The following CELF2 variants were observed in gnomAD, a reference collection of about 807,000 sequenced individuals.
CELF2 encodes CUG triplet repeat RNA-binding protein 2.
Under a neutral mutation model 62.6 loss-of-function variants are expected in CELF2, and 8 were observed. The ratio of observed to expected loss-of-function variants is 0.13; its 90% CI spans 0.07 to 0.23. CELF2 has a LOEUF of 0.23. Ranked by LOEUF, CELF2 falls within the 10% of genes least tolerant of loss-of-function variation. The probability of loss-of-function intolerance (pLI) is 1.00; values close to 1 mark genes in which losing one functional copy is unlikely to be tolerated. For missense variants in CELF2, 333 were observed against 671.0 expected, an observed-to-expected ratio of 0.50 and a Z score of 5.56; for synonymous variants, 258 against 250.0, an observed-to-expected ratio of 1.03 and a Z score of -0.30.
At chr10:10,901,825 C>T (rs1317191310) in intron 1 of CELF2, among the ~76,000 whole-genome samples, 2 of 152,122 alleles carry the variant, frequency 1.3e-5, no homozygotes, top group African/African-American at 4.8e-5. Flanking sequence ...TTTGCCTTTA[C>T]TTTCAATGTA....
chr10:10,620,845 G>A, the CELF2 span, among the ~76,000 whole-genome samples: 233 of 148,530 alleles, frequency 1.6e-3, 1 homozygote, highest in Non-Finnish European at 2.9e-3. Flanking sequence ...GTGAACCCGG[G>A]AGGCGGAGCT....
At chr10:10,566,508 A>G in the CELF2 span, among the ~76,000 whole-genome samples, 4 of 149,832 alleles carry the variant, frequency 2.7e-5, no homozygotes, top group East Asian at 8.0e-4. Context: ...ATGCTGGTGC[A>G]CTGCACCCAC....
the CELF2 span, among the ~76,000 whole-genome samples, chr10:10,502,672 G>A: frequency 1.6e-4 from 25 of 151,738 alleles, no homozygotes; most frequent in African/African-American, 5.8e-4. Context: ...TTCTTTGTCA[G>A]TCTTGCTAGA....
chr10:10,738,394 G>C, the CELF2 span, among the ~76,000 whole-genome samples: 1 of 152,154 alleles, frequency 6.6e-6, no homozygotes, highest in African/African-American at 2.4e-5. Flanking sequence ...AATGGCAAAA[G>C]AGTGACTTGA....
At chr10:11,043,589 G>A (rs546452360) in intron 1 of CELF2, among the ~76,000 whole-genome samples, 33 of 152,020 alleles carry the variant, frequency 2.2e-4, no homozygotes, top group African/African-American at 6.8e-4. Flanking sequence ...CTCATCCCCC[G>A]TCCTTCCTTT....
Position 11,027,656 on chromosome 10 carries a change from A to G in CELF2, c.74+9493A>G, listed in dbSNP as rs565388723. Among the ~76,000 whole-genome samples the G allele has an allele frequency of 2.0e-5, 3 of 152,354 alleles. No individual in the cohort carries two copies. The South Asian group carries it at 6.2e-4, about 32-fold the overall frequency. ...TTGTTCGACTTGCCCTGTATGTCGT[A>G]GAATGGAACCACTAGGGACATGGCT... On this transcript the variant is annotated intron_variant, in intron 1 of 12. Coordinates refer to ENST00000633077, the MANE Select transcript of CELF2 (RefSeq NM_001326342.2).
chr10:10,650,851 C>T, the CELF2 span, among the ~76,000 whole-genome samples: 1 of 151,058 alleles, frequency 6.6e-6, no homozygotes, highest in Non-Finnish European at 1.5e-5. Flanking sequence ...GAAATGAAAA[C>T]GTGGAGGGGG....
At position 11,242,587 on chromosome 10, in the gene CELF2, C is replaced by G. The variant is rs1047729440; in HGVS notation, c.355-6566C>G. ...GCTGTTGGCAGAGCTGTGTGCAGCG[C>G]TCTGTGCATGCACTTACCCCTCAGA... On this transcript the variant is annotated intron_variant, in intron 3 of 12. Transcript: ENST00000633077. This position sits in a 1 kb window ranked among gnomAD's most constrained non-coding sequence, Gnocchi z 4.8. 1.3e-5 allele frequency among the ~76,000 whole-genome samples: 2 copies of G among 152,240 alleles called. No individual in the cohort carries two copies. The highest frequency in any genetic ancestry group is 6.5e-5 in the Admixed American group (1 of 15,288).
chr10:11,101,207 A>C (rs2051518397), intron 1 of CELF2, among the ~76,000 whole-genome samples: 1 of 152,192 alleles, frequency 6.6e-6, no homozygotes, highest in Non-Finnish European at 1.5e-5. Flanking sequence ...GAAAGGGATC[A>C]GGTTTGGAGG....
chr10:10,791,036 G>A, the CELF2 span, among the ~76,000 whole-genome samples: 1 of 152,042 alleles, frequency 6.6e-6, no homozygotes, highest in African/African-American at 2.4e-5. Context: ...AGTATTTAGT[G>A]GGCTAGTTTT....
rs180961641 is a variant in CELF2, at chr10:11,047,928, A to G, written c.74+29765A>G. On this transcript the variant is annotated intron_variant, in intron 1 of 12. Transcript: ENST00000633077. ...CCTGAAGAATTTTTTTCTCTTCTAGATGTCAACTTTCAAAATTATGGAAAA... is the reference window on the plus strand; with the variant it reads ...CCTGAAGAATTTTTTTCTCTTCTAGGTGTCAACTTTCAAAATTATGGAAAA... Among the ~76,000 whole-genome samples the G allele has an allele frequency of 3.9e-5, 6 of 152,328 alleles. No individual in the cohort carries two copies. In the East Asian group the frequency reaches 1.2e-3, roughly 29 times the overall value.
intron 8 of CELF2, among the ~76,000 whole-genome samples, chr10:11,279,201 A>G (rs141621123): frequency 2.0e-5 from 3 of 152,314 alleles, no homozygotes; most frequent in Non-Finnish European, 4.4e-5. Flanking sequence ...GAACGGGAGG[A>G]AACTGCTTCG....
rs1281821701 is a variant in CELF2 at position 11,300,601 on chromosome 10, G to T, written c.976+12049G>T. 6.6e-6 allele frequency among the ~76,000 whole-genome samples: 1 copy of T among 152,166 alleles called. No homozygotes were observed. The highest frequency in any genetic ancestry group is 1.9e-4 in the East Asian group (1 of 5,182). On this transcript the variant is annotated intron_variant, in intron 9 of 12. Transcript: ENST00000633077. This position sits in a 1 kb window ranked among gnomAD's most constrained non-coding sequence, Gnocchi z 5.5. ...GGACTAAATTAAAATGAAAGGTGTGGTTATTGTGGAATAATTAGGCCTCAC... is the reference window on the plus strand; with the variant it reads ...GGACTAAATTAAAATGAAAGGTGTGTTTATTGTGGAATAATTAGGCCTCAC...
the CELF2 span, among the ~76,000 whole-genome samples, chr10:10,518,526 T>C: frequency 6.6e-6 from 1 of 152,188 alleles, no homozygotes; most frequent in African/African-American, 2.4e-5. Context: ...TTCTATAATC[T>C]CAAACATGGC....
chr10:10,466,141 C>T, the CELF2 span, among the ~76,000 whole-genome samples: 8 of 152,086 alleles, frequency 5.3e-5, no homozygotes, highest in Admixed American at 5.2e-4. Context: ...GATTTATACA[C>T]CTGTGAAGCC....
the CELF2 span, among the ~76,000 whole-genome samples, chr10:10,603,784 T>TACAC: frequency 0.074 from 10,972 of 148,490 alleles, 429 homozygotes; most frequent in South Asian, 0.11. Context: ...TATTTACACA[T>TACAC]ACACACACAC....
At chr10:11,271,140 C>T (rs905050296) in intron 7 of CELF2, among the ~76,000 whole-genome samples, 4 of 152,218 alleles carry the variant, frequency 2.6e-5, no homozygotes. Context: ...GCTGGGCTGG[C>T]TCATCCCTGT....
At chr10:10,979,052 C>T (rs560902540) in intron 2 of CELF2, among the ~76,000 whole-genome samples, 2 of 152,198 alleles carry the variant, frequency 1.3e-5, no homozygotes, top group East Asian at 1.9e-4. Flanking sequence ...AGTTCTCTGC[C>T]CTTGGAGAAT....
the CELF2 span, among the ~76,000 whole-genome samples, chr10:10,635,781 G>A: frequency 6.6e-6 from 1 of 152,068 alleles, no homozygotes; most frequent in African/African-American, 2.4e-5. Context: ...AGGTTTTTAG[G>A]CATTATTTCA....
Sources: allele counts gnomAD v4.1 joint callset (sites outside exome capture counted in the v4.1 genomes callset), GRCh38; gene constraint gnomAD v4.1.1; non-coding constraint Gnocchi (gnomAD v3.1); transcripts MANE v1.5; gene names NCBI Gene and HGNC (gene_info 2026-07-23, HGNC 2026-07-21).